Variants in RTN1 observed in about 807,000 individuals in gnomAD.
RTN1 encodes reticulon 1.
A neutral mutation model predicts 65.5 loss-of-function variants in RTN1; 25 were observed. The ratio of observed to expected loss-of-function variants is 0.38; its 90% CI spans 0.28 to 0.53. The LOEUF (loss-of-function observed/expected upper bound fraction) is 0.53, where lower values mean the gene tolerates loss of function less well. Ranked by LOEUF, RTN1 falls within the 20% of genes least tolerant of loss-of-function variation. The pLI is 0.79. For missense variants in RTN1, 983 were observed against 1,025.4 expected (o/e 0.96, Z 0.57); for synonymous variants, 471 against 447.6 (o/e 1.05, Z -0.66).
intron 1 of RTN1, among the ~76,000 whole-genome samples, chr14:59,801,520 A>C (rs1433830355): frequency 1.3e-5 from 2 of 152,198 alleles, no homozygotes; most frequent in Non-Finnish European, 2.9e-5. Flanking sequence ...ACATATCTCA[A>C]AAATAATGGC....
At chr14:59,605,078 T>C (rs763116650) in intron 5 of RTN1, 2 of 229,686 alleles carry the variant, frequency 8.7e-6, no homozygotes, top group Non-Finnish European at 1.7e-5. Context: ...AAGGAGACAA[T>C]CTGGTGTGTT....
chr14:59,612,953 G>A (rs986992241), intron 3 of RTN1, among the ~76,000 whole-genome samples: 4 of 152,182 alleles, frequency 2.6e-5, no homozygotes, highest in Non-Finnish European at 5.9e-5. Context: ...AGTGGTGGCC[G>A]GGGTTCAATT....
chr14:59,793,113 T>C (rs1886379199), intron 1 of RTN1, among the ~76,000 whole-genome samples: 1 of 152,162 alleles, frequency 6.6e-6, no homozygotes, highest in Non-Finnish European at 1.5e-5. Flanking sequence ...TTACTGAAAC[T>C]AGCAAAATCT....
intron 1 of RTN1, among the ~76,000 whole-genome samples, chr14:59,806,948 G>A (rs948654274): frequency 6.6e-6 from 1 of 152,216 alleles, no homozygotes; most frequent in Non-Finnish European, 1.5e-5. Context: ...TTAAGTCTCA[G>A]ATTTGGCTGC....
At chr14:59,677,472 G>A (rs1446726299) in intron 3 of RTN1, among the ~76,000 whole-genome samples, 2 of 152,094 alleles carry the variant, frequency 1.3e-5, no homozygotes, top group African/African-American at 4.8e-5. Context: ...CTTTTTTAAG[G>A]AGCCATGAGG....
At chr14:59,673,645 T>G (rs570709698) in intron 3 of RTN1, among the ~76,000 whole-genome samples, 4 of 152,176 alleles carry the variant, frequency 2.6e-5, no homozygotes, top group Admixed American at 1.3e-4. Flanking sequence ...TGGGTGGTCT[T>G]TGGAAAAAGC....
intron 1 of RTN1, among the ~76,000 whole-genome samples, chr14:59,786,608 G>C (rs948741504): frequency 6.6e-6 from 1 of 152,128 alleles, no homozygotes; most frequent in Non-Finnish European, 1.5e-5. Context: ...AAAGAGTTTT[G>C]AGAAAGAGTA....
intron 1 of RTN1, among the ~76,000 whole-genome samples, chr14:59,855,470 ACT>A (rs1418870787): frequency 6.7e-6 from 1 of 149,540 alleles, no homozygotes; most frequent in Non-Finnish European, 1.5e-5. Context: ...TTTGCTGGGG[ACT>A]CTCTATTTTA....
At chr14:59,864,491 C>A (rs1887763741) in intron 1 of RTN1, among the ~76,000 whole-genome samples, 1 of 151,930 alleles carries the variant, frequency 6.6e-6, no homozygotes, top group Non-Finnish European at 1.5e-5. Flanking sequence ...TTAATCATCC[C>A]TTGATATAGA....
intron 1 of RTN1, among the ~76,000 whole-genome samples, chr14:59,805,507 T>C (rs1886620308): frequency 6.6e-6 from 1 of 152,190 alleles, no homozygotes; most frequent in Non-Finnish European, 1.5e-5. Context: ...AGCCCACTTG[T>C]CCAAGGCCCT....
chr14:59,672,613 T>C (rs908376491), intron 3 of RTN1, among the ~76,000 whole-genome samples: 2 of 143,906 alleles, frequency 1.4e-5, no homozygotes, highest in Non-Finnish European at 3.0e-5. Flanking sequence ...AATGAATGAA[T>C]ACAAGATATT....
chr14:59,756,053 A>C (rs997664176), intron 1 of RTN1, among the ~76,000 whole-genome samples: 4 of 152,200 alleles, frequency 2.6e-5, no homozygotes, highest in Admixed American at 6.5e-5. Flanking sequence ...GGATGTTTTC[A>C]CTTTAGCAAA....
At chr14:59,789,067 T>C (rs1479030136) in intron 1 of RTN1, among the ~76,000 whole-genome samples, 1 of 152,066 alleles carries the variant, frequency 6.6e-6, no homozygotes, top group Non-Finnish European at 1.5e-5. Context: ...TTTTTAAGCA[T>C]TTGATTATCA....
Position 59,727,267 on chromosome 14 carries a change from C to A in RTN1, c.1417G>T (p.Ala473Ser). ...DSELIIESCDASSASEESPKR... is the reference protein window; with the variant it reads ...DSELIIESCDSSSASEESPKR... The stretch of plus-strand genomic sequence containing the variant: ...GGGCTCTCCTCCGAGGCCGAGGAGG[C>A]GTCGCACGACTCGATGATGAGCTCG... The change falls in exon 3 of 9, where the codon GCC becomes TCC. Residue 473 changes from alanine to serine, a missense_variant. By Grantham distance (99) the Ala-to-Ser change is moderately conservative. Transcript: ENST00000267484. This position sits in a 1 kb window ranked among gnomAD's most constrained non-coding sequence, Gnocchi z 4.2. 6.6e-7 allele frequency: 1 copy of A among 1,510,630 alleles called. No homozygotes were observed. Among genetic ancestry groups the A allele is most frequent in the Non-Finnish European group, 8.9e-7 (1 of 1,128,692 alleles). The allele number at this position is 1,510,630 out of a possible 1,614,324, so 93.6% of individuals were successfully genotyped here.
chr14:59,747,869 G>C (rs750077821), intron 1 of RTN1, among the ~76,000 whole-genome samples: 14 of 152,038 alleles, frequency 9.2e-5, no homozygotes, highest in Non-Finnish European at 1.9e-4. Context: ...AAGGTCTTAA[G>C]ACACACCTGA....
chr14:59,618,665 A>G (rs1031360668), intron 3 of RTN1, among the ~76,000 whole-genome samples: 1 of 152,256 alleles, frequency 6.6e-6, no homozygotes, highest in African/African-American at 2.4e-5. Context: ...TAGGAGAATC[A>G]GGATCAAACC....
chr14:59,619,175 G>C (rs1320908184), intron 3 of RTN1, among the ~76,000 whole-genome samples: 1 of 152,214 alleles, frequency 6.6e-6, no homozygotes, highest in African/African-American at 2.4e-5. Flanking sequence ...GAGAAACGAG[G>C]AAGAGCTAAT....
At chr14:59,706,321 G>A (rs57922485) in intron 3 of RTN1, among the ~76,000 whole-genome samples, 4,778 of 152,194 alleles carry the variant, frequency 0.031, 246 homozygotes, top group African/African-American at 0.11. Flanking sequence ...GTCTTCCTCT[G>A]AAATTGCCTA....
At chr14:59,610,167 A>C (rs1253323713) in intron 3 of RTN1, 6 of 768,696 alleles carry the variant, frequency 7.8e-6, no homozygotes, top group Non-Finnish European at 9.7e-6. Context: ...TAAATCTCCA[A>C]CCAGGAGGCC....
Sources: allele counts gnomAD v4.1 joint callset (sites outside exome capture counted in the v4.1 genomes callset), GRCh38; gene constraint gnomAD v4.1.1; non-coding constraint Gnocchi (gnomAD v3.1); transcripts MANE v1.5; gene names NCBI Gene and HGNC (gene_info 2026-07-23, HGNC 2026-07-21).